Variants in SHANK2 observed in about 807,000 individuals in gnomAD.
The protein encoded by SHANK2 is SH3 and multiple ankyrin repeat domains 2.
Under a neutral mutation model 133.7 loss-of-function variants are expected in SHANK2, and 43 were observed. The ratio of observed to expected loss-of-function variants is 0.32; its 90% CI spans 0.25 to 0.41. The LOEUF (loss-of-function observed/expected upper bound fraction) is 0.41, where lower values mean the gene tolerates loss of function less well. SHANK2 is among the 10% of genes least tolerant of loss of function. The pLI is 1.00. For synonymous variants in SHANK2, 1,017 were observed against 952.8 expected, an observed-to-expected ratio of 1.07 and a Z score of -1.24; for missense variants, 1,994 against 2,235.8, an observed-to-expected ratio of 0.89 and a Z score of 2.18.
chr11:71,218,547 G>C (rs1555120524), intron 2 of SHANK2, among the ~76,000 whole-genome samples: 1 of 152,140 alleles, frequency 6.6e-6, no homozygotes, highest in Non-Finnish European at 1.5e-5. Context: ...ACAGGTGTGA[G>C]CCCCCGGGAC....
At chr11:70,896,753 TG>T (rs1949940677) in intron 10 of SHANK2, among the ~76,000 whole-genome samples, 186 bp from the exon 11 acceptor site, 1 of 152,244 alleles carries the variant, frequency 6.6e-6, no homozygotes, top group African/African-American at 2.4e-5. Context: ...TCAAAGCAGT[TG>T]GCTGTTCTAT....
At chr11:70,516,261 A>G (rs1456432773) in intron 17 of SHANK2, among the ~76,000 whole-genome samples, 1 of 152,244 alleles carries the variant, frequency 6.6e-6, no homozygotes, top group Non-Finnish European at 1.5e-5. Context: ...GCAGCGGGGT[A>G]CTGGTGAAAG....
Position 70,472,784 on chromosome 11 carries a change from G to T in SHANK2, c.*85C>A. 1.5e-6 allele frequency: 2 copies of T among 1,337,442 alleles called. No individual in the cohort carries two copies. Among genetic ancestry groups the T allele is most frequent in the South Asian group, 1.2e-5 (1 of 84,824 alleles). 82.8% of individuals were successfully genotyped at this position (1,337,442 alleles called of 1,614,324 possible). A position where few individuals can be genotyped will look rare whatever the true frequency, so the allele number is the denominator to read the frequency against. On this transcript the variant is annotated 3_prime_UTR_variant, in exon 26 of 26. Coordinates refer to ENST00000601538, the MANE Select transcript of SHANK2 (RefSeq NM_012309.5). This position sits in a 1 kb window ranked among gnomAD's most constrained non-coding sequence, Gnocchi z 4.4. ...CCATGGAGTGGGGTTGATGCTCACA[G>T]ACTTCGCTTGGCATTCAGATGTTTC...
chr11:70,569,943 G>A lies in SHANK2; in HGVS notation c.2062-67012C>T, dbSNP rs76919090. 4.1e-4 allele frequency among the ~76,000 whole-genome samples: 62 copies of A among 151,892 alleles called. 1 individual carries two copies. In the East Asian group the frequency reaches 0.011, roughly 28 times the overall value. On this transcript the variant is annotated intron_variant, in intron 17 of 25. Coordinates refer to ENST00000601538, the MANE Select transcript of SHANK2 (RefSeq NM_012309.5). This position sits in a 1 kb window ranked among gnomAD's most constrained non-coding sequence, Gnocchi z 5.1. ...CGAGACAGAGACACAGAGACATAGA[G>A]AGAGAGAGAGAAGGGAGTGAGAGAC...
At chr11:70,702,843 G>A (rs1311361003) in intron 14 of SHANK2, among the ~76,000 whole-genome samples, 2 of 152,198 alleles carry the variant, frequency 1.3e-5, no homozygotes, top group African/African-American at 4.8e-5. Flanking sequence ...TCAGAACCCA[G>A]CTCTGCCACT....
chr11:70,640,139 G>A (rs1156942830), intron 17 of SHANK2, among the ~76,000 whole-genome samples: 1 of 152,202 alleles, frequency 6.6e-6, no homozygotes, highest in African/African-American at 2.4e-5. Flanking sequence ...ATGTGCCCAG[G>A]TCCTAATCTC....
intron 2 of SHANK2, among the ~76,000 whole-genome samples, chr11:71,207,427 G>C (rs920446935): frequency 6.6e-6 from 1 of 152,092 alleles, no homozygotes; most frequent in African/African-American, 2.4e-5. Flanking sequence ...TGATCCGTGC[G>C]CCTTGGCTTC....
chr11:70,565,999 C>T lies in SHANK2; in HGVS notation c.2062-63068G>A, dbSNP rs534540964. On this transcript the variant is annotated intron_variant, in intron 17 of 25. Transcript: ENST00000601538. ...AAAAGGTTTAATGGACTCATAGTTC[C>T]ACATGGCTGGGGAGGCCTCACAATC... Among the ~76,000 whole-genome samples, 37 of 152,296 alleles carry T rather than the reference C, an allele frequency of 2.4e-4. 1 individual carries two copies. Among genetic ancestry groups the T allele is most frequent in the African/African-American group, 8.4e-4 (35 of 41,556 alleles).
At chr11:70,753,326 C>T (rs782276069) in intron 14 of SHANK2, among the ~76,000 whole-genome samples, 31 of 152,138 alleles carry the variant, frequency 2.0e-4, no homozygotes, top group Non-Finnish European at 3.5e-4. Flanking sequence ...TCAAAAGGAC[C>T]GAACTGACAT....
At chr11:70,551,282 T>A (rs1199355394) in intron 17 of SHANK2, among the ~76,000 whole-genome samples, 2 of 152,148 alleles carry the variant, frequency 1.3e-5, no homozygotes, top group Non-Finnish European at 2.9e-5. Flanking sequence ...AGACGGAGGC[T>A]GGAGCCTCTG....
At chr11:71,252,916 T>C (rs1402054655), upstream of SHANK2, among the ~76,000 whole-genome samples, 2 of 152,206 alleles carry the variant, frequency 1.3e-5, no homozygotes, top group African/African-American at 4.8e-5. The surrounding 1 kb of genome is among the most constrained non-coding windows in gnomAD (Gnocchi z 6.3). Context: ...TCCGGTTCGG[T>C]CTGCACGGTT....
rs189752295 is a variant in SHANK2, at chr11:70,925,662, C to T, written c.1108-29095G>A. Among the ~76,000 whole-genome samples the T allele has an allele frequency of 1.2e-3, 184 of 152,292 alleles. 1 individual carries two copies. Among genetic ancestry groups the T allele is most frequent in the African/African-American group, 4.2e-3 (175 of 41,558 alleles). The stretch of plus-strand genomic sequence containing the variant: ...GGGAAGAAAAGCCGGATTTGCACAG[C>T]GTGCCTACTGGATGTTACATGAACA... On this transcript the variant is annotated intron_variant, in intron 10 of 25. Transcript: ENST00000601538.
intron 12 of SHANK2, among the ~76,000 whole-genome samples, chr11:70,810,409 C>T (rs1207410031): frequency 6.6e-6 from 1 of 152,238 alleles, no homozygotes; most frequent in Non-Finnish European, 1.5e-5. Flanking sequence ...GAGCGTCTCA[C>T]GGCTGTCTCC....
intron 17 of SHANK2, among the ~76,000 whole-genome samples, chr11:70,627,365 C>T (rs528493250): frequency 6.2e-4 from 94 of 152,250 alleles, no homozygotes; most frequent in African/African-American, 2.2e-3. Context: ...CTGGTGGGGG[C>T]GTCACCCAAC....
intron 25 of SHANK2, among the ~76,000 whole-genome samples, chr11:70,478,905 A>T (rs1386900780): frequency 1.3e-5 from 2 of 152,230 alleles, no homozygotes; most frequent in African/African-American, 4.8e-5. Flanking sequence ...TTCCACCAGG[A>T]ATCCAGGTCT....
chr11:70,632,930 C>A (rs1249822167), intron 17 of SHANK2, among the ~76,000 whole-genome samples: 1 of 152,008 alleles, frequency 6.6e-6, no homozygotes, highest in Non-Finnish European at 1.5e-5. Flanking sequence ...CCCCTTTAAT[C>A]CCAGTGAGCC....
chr11:70,954,851 T>G (rs1950895232), intron 10 of SHANK2, among the ~76,000 whole-genome samples: 1 of 152,200 alleles, frequency 6.6e-6, no homozygotes, highest in East Asian at 1.9e-4. Context: ...GAACACGGGG[T>G]CTGGCATGCA....
chr11:70,537,340 T>C (rs1419955545), intron 17 of SHANK2, among the ~76,000 whole-genome samples: 4 of 152,238 alleles, frequency 2.6e-5, no homozygotes, highest in African/African-American at 9.6e-5. Context: ...AAAAAGTCTT[T>C]GCAAATGTAA....
Position 70,486,810 on chromosome 11 carries a change from G to A in SHANK2, c.3483C>T (p.Ala1161=). 3 of 1,612,354 alleles carry A rather than the reference G, an allele frequency of 1.9e-6. No homozygotes were observed. The highest frequency in any genetic ancestry group is 1.1e-5 in the South Asian group (1 of 91,088). The part of the protein sequence containing the change: ...REPENHFVGG[A]EASAPGEAGR... Reference sequence around the variant, plus strand: ...CAGCCTCACCCGGAGCACTGGCCTCGGCGCCACCCACGAAATGGTTTTCGG... The same window carrying A: ...CAGCCTCACCCGGAGCACTGGCCTCAGCGCCACCCACGAAATGGTTTTCGG... Residue 1161 remains alanine (A), a synonymous_variant, in exon 25 of 26, where the codon GCC becomes GCT. Transcript: ENST00000601538. This position sits in a 1 kb window ranked among gnomAD's most constrained non-coding sequence, Gnocchi z 8.0.
Sources: allele counts gnomAD v4.1 joint callset (sites outside exome capture counted in the v4.1 genomes callset), GRCh38; gene constraint gnomAD v4.1.1; non-coding constraint Gnocchi (gnomAD v3.1); transcripts MANE v1.5; gene names NCBI Gene and HGNC (gene_info 2026-07-23, HGNC 2026-07-21).